The following SEMA3A variants were observed in gnomAD, a reference collection of about 807,000 sequenced individuals.
SEMA3A encodes the protein semaphorin-3A.
A neutral mutation model predicts 97.9 loss-of-function variants in SEMA3A; 29 were observed. The ratio of observed to expected loss-of-function variants is 0.30; its 90% CI spans 0.22 to 0.40. The LOEUF (loss-of-function observed/expected upper bound fraction) is 0.40. Among genes scored for constraint, SEMA3A ranks in the 10% least tolerant of loss-of-function variants. The probability of loss-of-function intolerance (pLI) is 1.00; values close to 1 mark genes in which losing one functional copy is unlikely to be tolerated. For missense variants in SEMA3A, 763 were observed against 951.3 expected (o/e 0.80, Z 2.60); for synonymous variants, 321 against 323.7 (o/e 0.99, Z 0.09).
chr7:84,474,532 C>A (rs190261999), intron 1 of SEMA3A, among the ~76,000 whole-genome samples: 2 of 152,242 alleles, frequency 1.3e-5, no homozygotes, highest in African/African-American at 4.8e-5. Flanking sequence ...ACACTTGACA[C>A]TGTATCCTCT....
At position 84,420,151 on chromosome 7, in the gene SEMA3A, A is replaced by G. The variant is rs1804548398; in HGVS notation, c.-245-48251T>C. 1.3e-5 allele frequency among the ~76,000 whole-genome samples: 2 copies of G among 152,020 alleles called. 1 individual carries two copies. The highest frequency in any genetic ancestry group is 4.1e-4 in the South Asian group (2 of 4,824). On this transcript the variant is annotated intron_variant, in intron 1 of 3. Transcript: ENST00000424555. Reference sequence around the variant, plus strand: ...CAGATTTGGATAAAACAGTCACATGACATACAAAGAAACAGGAAACTATGT... The same window carrying G: ...CAGATTTGGATAAAACAGTCACATGGCATACAAAGAAACAGGAAACTATGT...
In SEMA3A at chr7:84,018,518, A is replaced by G. The variant is rs193103665; in HGVS notation, c.668-4167T>C. On this transcript the variant is annotated intron_variant, in intron 6 of 16. Transcript: ENST00000265362. ...TGAACAACTGTTAAACTTCACAGAA[A>G]GAACAAAAATAAGAGCTTAGAAAAA... Among the ~76,000 whole-genome samples the G allele has an allele frequency of 5.9e-5, 9 of 152,336 alleles. No individual in the cohort carries two copies. In the East Asian group the frequency reaches 1.7e-3, roughly 29 times the overall value.
At chr7:84,025,484 A>C (rs1584561940) in intron 6 of SEMA3A, among the ~76,000 whole-genome samples, 1 of 152,198 alleles carries the variant, frequency 6.6e-6, no homozygotes, top group South Asian at 2.1e-4. Context: ...ATGCAACATA[A>C]GGTCATCTCA....
At chr7:84,323,727 C>T (rs962161332) in intron 2 of SEMA3A, among the ~76,000 whole-genome samples, 4 of 152,206 alleles carry the variant, frequency 2.6e-5, no homozygotes, top group South Asian at 2.1e-4. Flanking sequence ...GACAGATGTG[C>T]GCCTTAGTCA....
chr7:84,475,033 G>A (rs924930251), intron 1 of SEMA3A, among the ~76,000 whole-genome samples: 1 of 152,124 alleles, frequency 6.6e-6, no homozygotes, highest in Non-Finnish European at 1.5e-5. Flanking sequence ...TCTTACCTAA[G>A]GCCTCAGATG....
intron 12 of SEMA3A, among the ~76,000 whole-genome samples, chr7:83,997,194 A>T (rs1790256660): frequency 1.3e-5 from 2 of 152,200 alleles, no homozygotes; most frequent in Non-Finnish European, 2.9e-5. Context: ...AAATGTCTTT[A>T]ATAAAATCCA....
chr7:84,103,035 T>C (rs1795004242), intron 4 of SEMA3A, among the ~76,000 whole-genome samples: 1 of 152,154 alleles, frequency 6.6e-6, no homozygotes. Context: ...AGAAATCCAA[T>C]TAAAATTAGT....
intron 2 of SEMA3A, among the ~76,000 whole-genome samples, chr7:84,360,668 T>C (rs891856786): frequency 6.6e-5 from 10 of 152,112 alleles, no homozygotes; most frequent in Admixed American, 1.3e-4. Flanking sequence ...TACAATCTAT[T>C]ATACAAGATG....
chr7:84,305,080 T>C (rs1186728192), intron 3 of SEMA3A, among the ~76,000 whole-genome samples: 4 of 151,952 alleles, frequency 2.6e-5, no homozygotes, highest in Admixed American at 6.6e-5. Context: ...AAATGTATCA[T>C]GGATCTTGCT....
chr7:84,104,336 G>T (rs2115913199), intron 4 of SEMA3A, among the ~76,000 whole-genome samples: 2 of 152,176 alleles, frequency 1.3e-5, no homozygotes, highest in Middle Eastern at 3.4e-3. Flanking sequence ...CAATAGGTAT[G>T]CTATATGTGC....
chr7:84,431,489 C>T (rs1194994618), intron 1 of SEMA3A, among the ~76,000 whole-genome samples: 3 of 151,948 alleles, frequency 2.0e-5, no homozygotes, highest in Non-Finnish European at 4.4e-5. Flanking sequence ...AGCATATGCT[C>T]ACTCTTAAGA....
chr7:84,295,818 T>C (rs569698293), intron 3 of SEMA3A, among the ~76,000 whole-genome samples: 1 of 152,132 alleles, frequency 6.6e-6, no homozygotes, highest in South Asian at 2.1e-4. Context: ...ATTCCGAAAA[T>C]AAATAAACCA....
intron 1 of SEMA3A, among the ~76,000 whole-genome samples, chr7:84,488,321 C>T (rs930747076): frequency 6.8e-6 from 1 of 147,972 alleles, no homozygotes; most frequent in South Asian, 2.2e-4. Flanking sequence ...CGTATATACA[C>T]ACACACACAC....
chr7:84,006,855 A>G (rs550150925), intron 10 of SEMA3A, among the ~76,000 whole-genome samples: 1 of 152,262 alleles, frequency 6.6e-6, no homozygotes, highest in Non-Finnish European at 1.5e-5. Flanking sequence ...AAATACACAC[A>G]TATATATGTC....
intron 1 of SEMA3A, among the ~76,000 whole-genome samples, chr7:84,448,099 G>T (rs549975292): frequency 6.6e-6 from 1 of 152,282 alleles, no homozygotes; most frequent in African/African-American, 2.4e-5. Flanking sequence ...TCCCTGCCTG[G>T]CTCACCCTTG....
intron 3 of SEMA3A, among the ~76,000 whole-genome samples, chr7:84,296,598 T>C (rs1466322045): frequency 2.0e-5 from 3 of 152,184 alleles, no homozygotes; most frequent in South Asian, 2.1e-4. Context: ...TTAAATTTAT[T>C]ATAAAACTGC....
intron 4 of SEMA3A, among the ~76,000 whole-genome samples, chr7:84,090,475 C>T (rs968838497): frequency 1.3e-5 from 2 of 152,006 alleles, no homozygotes; most frequent in African/African-American, 2.4e-5. Context: ...AGCATGTTCT[C>T]TCTGCAAGGA....
At chr7:84,434,943 G>A (rs1805086235) in intron 1 of SEMA3A, among the ~76,000 whole-genome samples, 1 of 152,044 alleles carries the variant, frequency 6.6e-6, no homozygotes, top group African/African-American at 2.4e-5. Flanking sequence ...CTTGAGAAGT[G>A]GAACAAGACA....
At chr7:84,170,149 A>AG (rs1797340354) in intron 1 of SEMA3A, among the ~76,000 whole-genome samples, 1 of 151,966 alleles carries the variant, frequency 6.6e-6, no homozygotes, top group Non-Finnish European at 1.5e-5. Context: ...TCCTGATGTA[A>AG]GTTATGGAAG....
Sources: gnomAD v4.1 joint callset for allele counts (sites outside exome capture counted in the v4.1 genomes callset) on GRCh38, gnomAD v4.1.1 for gene constraint, MANE v1.5 for transcripts, NCBI Gene and HGNC (gene_info 2026-07-23, HGNC 2026-07-21) for gene names.